FRMD4A: variants seen among roughly 807,000 people sequenced by gnomAD.
FRMD4A encodes the protein FERM domain-containing protein 4A.
A neutral mutation model predicts 129.1 loss-of-function variants in FRMD4A; 29 were observed. The observed-to-expected ratio is 0.22, with a 90% confidence interval of 0.17 to 0.31. The LOEUF (loss-of-function observed/expected upper bound fraction) is 0.31, where lower values mean the gene tolerates loss of function less well. FRMD4A is among the 10% of genes least tolerant of loss of function. The probability of loss-of-function intolerance (pLI) is 1.00; values close to 1 mark genes in which losing one functional copy is unlikely to be tolerated. For missense variants in FRMD4A, 1,272 were observed against 1,375.8 expected, an observed-to-expected ratio of 0.92 and a Z score of 1.19; for synonymous variants, 634 against 571.6, an observed-to-expected ratio of 1.11 and a Z score of -1.56.
intron 2 of FRMD4A, among the ~76,000 whole-genome samples, chr10:14,318,265 T>C (rs1564461499): frequency 6.6e-6 from 1 of 151,750 alleles, no homozygotes; most frequent in Non-Finnish European, 1.5e-5. Context: ...CTCAATTACA[T>C]TCACACTCCC....
At chr10:13,841,064 T>C (rs2093957174) in intron 3 of FRMD4A, among the ~76,000 whole-genome samples, 1 of 152,212 alleles carries the variant, frequency 6.6e-6, no homozygotes, top group South Asian at 2.1e-4. Flanking sequence ...GCCGTGATCA[T>C]GCCATTGCAC....
intron 2 of FRMD4A, among the ~76,000 whole-genome samples, chr10:14,204,372 C>A (rs190924228): frequency 6.6e-6 from 1 of 151,544 alleles, no homozygotes; most frequent in Non-Finnish European, 1.5e-5. Context: ...GAGGCTGCAC[C>A]GAACTGTGAT....
intron 2 of FRMD4A, among the ~76,000 whole-genome samples, chr10:14,252,972 T>C (rs1844490265): frequency 6.6e-6 from 1 of 152,256 alleles, no homozygotes; most frequent in Middle Eastern, 3.2e-3. Context: ...TATATCAGTG[T>C]AGACTCATGG....
intron 2 of FRMD4A, among the ~76,000 whole-genome samples, chr10:13,923,135 T>C (rs575361350): frequency 1.3e-5 from 2 of 152,210 alleles, no homozygotes; most frequent in Non-Finnish European, 2.9e-5. Context: ...GGATGGTCTG[T>C]ATCGAGTGAG....
At chr10:13,781,306 TA>T (rs1253732948) in intron 6 of FRMD4A, among the ~76,000 whole-genome samples, 1,962 of 79,274 alleles carry the variant, frequency 0.025, 23 homozygotes, top group Middle Eastern at 0.091. Flanking sequence ...TCTTAAAAAT[TA>T]AAAAAAAAAA....
Position 13,780,388 on chromosome 10 carries a change from A to G in FRMD4A, c.384+2534T>C, listed in dbSNP as rs554753820. On this transcript the variant is annotated intron_variant, in intron 6 of 24. Coordinates refer to ENST00000357447, the MANE Select transcript of FRMD4A (RefSeq NM_018027.5). ...AACCTCAGTGATATTCCGCAAGTCC[A>G]TCTTCCCCGGGAGGAGGTGTGTGCT... Among the ~76,000 whole-genome samples the G allele has an allele frequency of 2.1e-3, 324 of 152,070 alleles. 2 individuals are homozygous for G. Among genetic ancestry groups the G allele is most frequent in the African/African-American group, 6.8e-3 (282 of 41,490 alleles).
chr10:14,042,043 C>T (rs1565206342), intron 2 of FRMD4A, among the ~76,000 whole-genome samples: 1 of 152,162 alleles, frequency 6.6e-6, no homozygotes, highest in Non-Finnish European at 1.5e-5. Context: ...AAATTTTCCT[C>T]CCCGTCTAAT....
intron 2 of FRMD4A, among the ~76,000 whole-genome samples, chr10:14,110,125 T>TAAAAAAAAA (rs1554761010): frequency 2.2e-5 from 2 of 89,550 alleles, no homozygotes; most frequent in Non-Finnish European, 4.1e-5. Flanking sequence ...CGAGATGCTG[T>TAAAAAAAAA]AAAAAAAAAA....
intron 2 of FRMD4A, among the ~76,000 whole-genome samples, chr10:14,176,065 T>G (rs1841714182): frequency 2.6e-5 from 4 of 152,240 alleles, no homozygotes; most frequent in African/African-American, 9.6e-5. Context: ...TGTATTGTAG[T>G]GTTTAGGGAT....
At chr10:14,152,950 A>G (rs531022354) in intron 2 of FRMD4A, among the ~76,000 whole-genome samples, 1 of 152,150 alleles carries the variant, frequency 6.6e-6, no homozygotes, top group South Asian at 2.1e-4. Context: ...GCAGAGCCCC[A>G]GGAAGGAGGC....
chr10:13,827,571 G>T (rs2093721636), intron 3 of FRMD4A, among the ~76,000 whole-genome samples: 1 of 152,198 alleles, frequency 6.6e-6, no homozygotes, highest in African/African-American at 2.4e-5. Flanking sequence ...TAATAAATAT[G>T]AAGTCAGTCT....
intron 2 of FRMD4A, among the ~76,000 whole-genome samples, chr10:14,092,298 C>A (rs887359062): frequency 4.6e-5 from 7 of 152,218 alleles, no homozygotes; most frequent in Non-Finnish European, 1.0e-4. Flanking sequence ...GCAGCATCAA[C>A]CTGCCTATGG....
chr10:14,019,014 C>T (rs935082815), intron 2 of FRMD4A, among the ~76,000 whole-genome samples: 1 of 152,060 alleles, frequency 6.6e-6, no homozygotes, highest in Non-Finnish European at 1.5e-5. Flanking sequence ...TCTCATGCAC[C>T]TTTACTGGAA....
chr10:14,185,395 G>GA (rs1443534502), intron 2 of FRMD4A, among the ~76,000 whole-genome samples: 4 of 152,212 alleles, frequency 2.6e-5, no homozygotes, highest in Admixed American at 6.5e-5. Flanking sequence ...GAATGTGCAT[G>GA]AAAAAATCTA....
intron 2 of FRMD4A, among the ~76,000 whole-genome samples, chr10:14,081,502 C>T (rs1244968512): frequency 4.6e-5 from 7 of 152,140 alleles, no homozygotes; most frequent in Admixed American, 4.6e-4. Flanking sequence ...CAGCAAGGAA[C>T]TTAACTTCTC....
At chr10:13,714,022 A>ATATATATATATATAAAATATATATTT (rs1554858863) in intron 12 of FRMD4A, among the ~76,000 whole-genome samples, 4 of 19,546 alleles carry the variant, frequency 2.0e-4, no homozygotes, top group African/African-American at 5.8e-4. Context: ...CATATATAAA[A>ATATATATATATATAAAATATATATTT]TATACATATA....
chr10:14,124,004 C>A (rs76833623), intron 2 of FRMD4A, among the ~76,000 whole-genome samples: 3,144 of 152,246 alleles, frequency 0.021, 52 homozygotes, highest in Non-Finnish European at 0.033. Context: ...GCCACAGAGA[C>A]CTGCGTTTAG....
intron 13 of FRMD4A, among the ~76,000 whole-genome samples, chr10:13,704,381 C>T (rs375697150): frequency 7.2e-5 from 11 of 152,280 alleles, no homozygotes; most frequent in South Asian, 4.1e-4. Flanking sequence ...TTGCCTGGGA[C>T]GAGACAGCTC....
At position 13,707,125 on chromosome 10, in the gene FRMD4A, A is replaced by C. The variant is rs1564658124; in HGVS notation, c.760-12T>G. 6.8e-7 allele frequency: 1 copy of C among 1,480,190 alleles called. No homozygotes were observed. The highest frequency in any genetic ancestry group is 1.4e-5 in the African/African-American group (1 of 72,348). 91.7% of individuals were successfully genotyped at this position (1,480,190 alleles called of 1,614,324 possible). The stretch of plus-strand genomic sequence containing the variant: ...CTCCATTGGAATATCTGGACAGAAA[A>C]CAGTGTAGTTTAAAACTCAGGAGGG... On this transcript the variant is annotated splice_polypyrimidine_tract_variant and intron_variant, in intron 12 of 24. Transcript: ENST00000357447.
Sources: gnomAD v4.1 joint callset for allele counts (sites outside exome capture counted in the v4.1 genomes callset) on GRCh38, gnomAD v4.1.1 for gene constraint, MANE v1.5 for transcripts, NCBI Gene and HGNC (gene_info 2026-07-23, HGNC 2026-07-21) for gene names.